BANP: variants seen among roughly 807,000 people sequenced by gnomAD.
BANP encodes BTG3 associated nuclear protein, also known as protein BANP.
A neutral mutation model predicts 68.1 loss-of-function variants in BANP; 11 were observed. The observed-to-expected ratio is 0.16, with a 90% CI of 0.10 to 0.27. BANP has a LOEUF of 0.27. BANP is among the 10% of genes least tolerant of loss of function. The pLI is 1.00. For missense variants in BANP, 504 were observed against 722.7 expected, an observed-to-expected ratio of 0.70 and a Z score of 3.47; for synonymous variants, 329 against 303.2, an observed-to-expected ratio of 1.09 and a Z score of -0.88.
rs372178171 is a variant in BANP, at chr16:88,070,427, C to T, written c.1378-1642C>T. Among the ~76,000 whole-genome samples, 5 of 152,184 alleles carry T rather than the reference C, an allele frequency of 3.3e-5. No individual in the cohort carries two copies. The East Asian group carries it at 5.8e-4, about 18-fold the overall frequency. On this transcript the variant is annotated intron_variant, in intron 12 of 13. Transcript: ENST00000682872. Reference sequence around the variant, plus strand: ...AGAACATCTGACTCTGGCCATATTCCTTCTTGTATAGCATCTGTTTGAGAC... The same window carrying T: ...AGAACATCTGACTCTGGCCATATTCTTTCTTGTATAGCATCTGTTTGAGAC...
At chr16:87,984,645 C>G (rs1034998682) in intron 4 of BANP, among the ~76,000 whole-genome samples, 5 of 152,214 alleles carry the variant, frequency 3.3e-5, no homozygotes, top group African/African-American at 1.2e-4. Context: ...TCAAACTTTT[C>G]ATTCAAGTCT....
intron 6 of BANP, among the ~76,000 whole-genome samples, chr16:88,015,470 C>T (rs1325839336): frequency 1.3e-5 from 2 of 152,258 alleles, no homozygotes; most frequent in Non-Finnish European, 2.9e-5. Context: ...CCTATGTTCC[C>T]TGCTCTGGCC....
intron 6 of BANP, among the ~76,000 whole-genome samples, chr16:88,009,011 T>C (rs1687801229): frequency 1.3e-5 from 2 of 152,258 alleles, no homozygotes; most frequent in Admixed American, 1.3e-4. Flanking sequence ...TTATTTGGCA[T>C]AGTGGCTTGG....
At chr16:88,020,393 T>C (rs891876927) in intron 7 of BANP, among the ~76,000 whole-genome samples, 1 of 152,238 alleles carries the variant, frequency 6.6e-6, no homozygotes, top group Non-Finnish European at 1.5e-5. Context: ...GACCACGTGA[T>C]GTGCTTCCAG....
intron 7 of BANP, among the ~76,000 whole-genome samples, chr16:88,022,509 G>A (rs1455900727): frequency 6.6e-6 from 1 of 152,252 alleles, no homozygotes; most frequent in African/African-American, 2.4e-5. Context: ...GCCCCAGGTG[G>A]TGGTACCTAG....
intron 11 of BANP, among the ~76,000 whole-genome samples, chr16:88,041,087 G>A (rs1367429482): frequency 2.6e-5 from 4 of 152,330 alleles, no homozygotes; most frequent in African/African-American, 9.6e-5. Context: ...CTGCACCCCA[G>A]CCCCTTTCCT....
intron 4 of BANP, among the ~76,000 whole-genome samples, chr16:87,990,610 G>C (rs1196691978): frequency 1.3e-5 from 2 of 152,172 alleles, no homozygotes; most frequent in Non-Finnish European, 2.9e-5. Flanking sequence ...TGCGTGAATT[G>C]TGAAGAAATG....
intron 6 of BANP, among the ~76,000 whole-genome samples, chr16:88,017,850 G>A (rs1415709114): frequency 6.6e-6 from 1 of 152,234 alleles, no homozygotes; most frequent in East Asian, 1.9e-4. Context: ...TGCTCTGGGC[G>A]GCTGCATTGT....
At chr16:87,973,412 G>A (rs571654434) in intron 1 of BANP, among the ~76,000 whole-genome samples, 1 of 152,098 alleles carries the variant, frequency 6.6e-6, no homozygotes, top group African/African-American at 2.4e-5. Context: ...CTCTATAAAG[G>A]AAGATTTAAG....
chr16:88,066,041 G>C (rs914488099), intron 12 of BANP, among the ~76,000 whole-genome samples: 1 of 152,188 alleles, frequency 6.6e-6, no homozygotes, highest in Non-Finnish European at 1.5e-5. Flanking sequence ...GATAGCGTCC[G>C]AGCAGCCTCT....
At chr16:87,992,746 A>G (rs573448902) in intron 4 of BANP, among the ~76,000 whole-genome samples, 147 of 151,088 alleles carry the variant, frequency 9.7e-4, no homozygotes, top group African/African-American at 3.5e-3. Flanking sequence ...GTGAGCCGAG[A>G]TTGTACCACT....
chr16:87,952,621 G>A, intron 1 of BANP: 1 of 152,294 alleles, frequency 6.6e-6, no homozygotes, highest in East Asian at 1.9e-4. Flanking sequence ...AATAAAAACT[G>A]GATCTGGTCA....
At chr16:87,952,132 C>T (rs1302853262) in intron 1 of BANP, 1 of 152,288 alleles carries the variant, frequency 6.6e-6, no homozygotes, top group Admixed American at 6.5e-5. Context: ...TGTGCGATTT[C>T]TGTGATCTAG....
chr16:88,049,378 C>A (rs571514206), intron 11 of BANP, among the ~76,000 whole-genome samples: 1 of 152,314 alleles, frequency 6.6e-6, no homozygotes, highest in South Asian at 2.1e-4. Context: ...GGGGAAGGGG[C>A]ACAGAGCTTC....
Position 88,056,704 on chromosome 16 carries a change from A to G in BANP, c.1312-8563A>G, listed in dbSNP as rs537353870. 2.6e-5 allele frequency among the ~76,000 whole-genome samples: 4 copies of G among 152,328 alleles called. No individual in the cohort carries two copies. In the East Asian group the frequency reaches 7.7e-4, roughly 29 times the overall value. On this transcript the variant is annotated intron_variant, in intron 11 of 13. Transcript: ENST00000682872. ...CTCTGTGATGTCAGACAGTGGTGGC[A>G]GGCCTGATGATTCGAAGATTGTTTT...
intron 2 of BANP, among the ~76,000 whole-genome samples, chr16:87,976,292 T>G (rs1398458528): frequency 6.6e-6 from 1 of 152,114 alleles, no homozygotes; most frequent in Non-Finnish European, 1.5e-5. Context: ...TGAGAACAAG[T>G]TTTTTCTACA....
chr16:87,994,114 T>C (rs1277324513), intron 4 of BANP, among the ~76,000 whole-genome samples: 1 of 150,528 alleles, frequency 6.6e-6, no homozygotes, highest in African/African-American at 2.5e-5. Context: ...GGCGGTGTGC[T>C]GCGGTGCACT....
At chr16:88,058,621 C>T (rs145030323) in intron 11 of BANP, among the ~76,000 whole-genome samples, 3 of 152,260 alleles carry the variant, frequency 2.0e-5, no homozygotes, top group South Asian at 2.1e-4. Flanking sequence ...TCGTTCTTTC[C>T]ATTTTCTCTA....
At chr16:88,031,663 A>AG (rs1032665982) in intron 8 of BANP, among the ~76,000 whole-genome samples, 4 of 151,704 alleles carry the variant, frequency 2.6e-5, no homozygotes, top group African/African-American at 9.7e-5. Context: ...AAAAAAAAAA[A>AG]GAAACCCAAC....
Sources: gnomAD v4.1 joint callset for allele counts (sites outside exome capture counted in the v4.1 genomes callset) on GRCh38, gnomAD v4.1.1 for gene constraint, MANE v1.5 for transcripts, NCBI Gene and HGNC (gene_info 2026-07-23, HGNC 2026-07-21) for gene names.